ZNF486: variants seen among roughly 807,000 people sequenced by gnomAD.
ZNF486 encodes zinc finger protein 486.
ZNF486 carries 12 observed loss-of-function variants against 12.8 expected under a neutral mutation model. The ratio of observed to expected loss-of-function variants is 0.94; its 90% CI spans 0.60 to 1.52. The LOEUF is 1.52. ZNF486 is among the 40% of genes most tolerant of loss of function. ZNF486 has a pLI of 0.00. For missense variants in ZNF486, 738 were observed against 545.0 expected, an observed-to-expected ratio of 1.35 and a Z score of -3.53; for synonymous variants, 231 against 184.9, an observed-to-expected ratio of 1.25 and a Z score of -2.02.
At chr19:20,193,298 CTTTTT>C (rs782490115) in intron 3 of ZNF486, among the ~76,000 whole-genome samples, 2 of 142,792 alleles carry the variant, frequency 1.4e-5, no homozygotes, top group Non-Finnish European at 3.1e-5. Flanking sequence ...TATGTACCAT[CTTTTT>C]TTTTTTTTTG....
intron 1 of ZNF486, among the ~76,000 whole-genome samples, chr19:20,171,761 G>T (rs1000423214): frequency 6.6e-6 from 1 of 152,132 alleles, no homozygotes; most frequent in Non-Finnish European, 1.5e-5. Context: ...ATGTGGGTTT[G>T]TTATACAGTT....
intron 1 of ZNF486, among the ~76,000 whole-genome samples, chr19:20,174,138 A>G (rs1175865699): frequency 6.6e-6 from 1 of 152,184 alleles, no homozygotes; most frequent in African/African-American, 2.4e-5. Flanking sequence ...TTAGCAATAC[A>G]TAATGGTAAA....
At chr19:20,170,306 G>T (rs190020835) in intron 1 of ZNF486, among the ~76,000 whole-genome samples, 59 of 151,986 alleles carry the variant, frequency 3.9e-4, no homozygotes, top group Admixed American at 3.8e-3. Context: ...GGCCAGGCGC[G>T]ATGGCTCACG....
intron 1 of ZNF486, among the ~76,000 whole-genome samples, chr19:20,183,892 T>C (rs533144528): frequency 1.6e-4 from 25 of 152,226 alleles, no homozygotes; most frequent in African/African-American, 6.0e-4. Flanking sequence ...TTAACATTAT[T>C]GGTGAGCTTG....
In ZNF486 at chr19:20,193,517, C is replaced by T. The variant is rs183741152; in HGVS notation, c.254-3447C>T. 3.0e-4 allele frequency among the ~76,000 whole-genome samples: 46 copies of T among 151,964 alleles called. No homozygotes were observed. The South Asian group carries it at 6.3e-3, about 21-fold the overall frequency. Reference sequence around the variant, plus strand: ...TCTACTAAAAAATACAAACATTATCCGGGCATGCTGGCAGGTGCCTATAAT... The same window carrying T: ...TCTACTAAAAAATACAAACATTATCTGGGCATGCTGGCAGGTGCCTATAAT... On this transcript the variant is annotated intron_variant, in intron 3 of 3. Transcript: ENST00000335117.
At chr19:20,186,704 A>G (rs1048515191) in intron 3 of ZNF486, among the ~76,000 whole-genome samples, 1 of 151,322 alleles carries the variant, frequency 6.6e-6, no homozygotes, top group African/African-American at 2.4e-5. Context: ...TTTTGATAGG[A>G]GGTTTATTGA....
intron 3 of ZNF486, among the ~76,000 whole-genome samples, chr19:20,194,844 ATATG>A (rs1325495369): frequency 2.0e-5 from 3 of 152,202 alleles, no homozygotes; most frequent in South Asian, 2.1e-4. Context: ...TTTTGCTTAT[ATATG>A]TGTTTGTTAT....
chr19:20,170,719 C>T (rs1258882924), intron 1 of ZNF486, among the ~76,000 whole-genome samples: 1 of 152,184 alleles, frequency 6.6e-6, no homozygotes, highest in African/African-American at 2.4e-5. Flanking sequence ...AAGGGTGTTT[C>T]TGTCCATCAG....
In ZNF486 at chr19:20,190,047, T is replaced by A. The variant is rs562824760; in HGVS notation, c.253+3965T>A. On this transcript the variant is annotated intron_variant, in intron 3 of 3. Coordinates refer to ENST00000335117, the MANE Select transcript of ZNF486 (RefSeq NM_052852.4). ...ATATTCAGTTTTCAACATCATTTTT[T>A]GAAGATATTACTTTTCTCTATTTTG... 1.7e-4 allele frequency among the ~76,000 whole-genome samples: 26 copies of A among 152,348 alleles called. No homozygotes were observed. The South Asian group carries it at 5.2e-3, about 30-fold the overall frequency.
chr19:20,185,992 A>C lies in ZNF486; in HGVS notation c.163A>C (p.Ile55Leu). ...NYRHLVFLGI[I>L]VSKPDLITCL... ...ATTTATTTTTAATGAAACAGGTATT[A>C]TTGTCTCTAAGCCAGACCTGATCAC... Residue 55 changes from isoleucine (I) to leucine (L), a missense_variant, in exon 3 of 4, where the codon ATT becomes CTT. Transcript: ENST00000335117. The C allele has an allele frequency of 2.6e-6, 4 of 1,554,792 alleles. No homozygotes were observed. Among genetic ancestry groups the C allele is most frequent in the Non-Finnish European group, 2.6e-6 (3 of 1,154,290 alleles).
chr19:20,195,929 G>T (rs1289507015), intron 3 of ZNF486, among the ~76,000 whole-genome samples: 1 of 151,944 alleles, frequency 6.6e-6, no homozygotes, highest in Non-Finnish European at 1.5e-5. Context: ...ACATTATCTG[G>T]TGTCTAAAAA....
intron 3 of ZNF486, among the ~76,000 whole-genome samples, chr19:20,193,624 G>A (rs2089924668): frequency 6.6e-6 from 1 of 151,788 alleles, no homozygotes; most frequent in Admixed American, 6.6e-5. Context: ...TCACACCACT[G>A]TACTCCAGCC....
At chr19:20,170,479 A>G (rs1319988918) in intron 1 of ZNF486, among the ~76,000 whole-genome samples, 1 of 151,910 alleles carries the variant, frequency 6.6e-6, no homozygotes, top group Admixed American at 6.6e-5. Context: ...AGGCAGGAGA[A>G]TTGCTTGAAC....
At chr19:20,181,267 C>T (rs1380209344) in intron 1 of ZNF486, among the ~76,000 whole-genome samples, 5 of 151,638 alleles carry the variant, frequency 3.3e-5, no homozygotes, top group Admixed American at 6.6e-5. Context: ...AGTCCGGGCG[C>T]GGTGGCTCAC....
chr19:20,167,836 G>C (rs1337085046), intron 1 of ZNF486, among the ~76,000 whole-genome samples: 1 of 151,054 alleles, frequency 6.6e-6, no homozygotes, highest in African/African-American at 2.4e-5. Flanking sequence ...TGAGGTAAAG[G>C]GTTGCTAGGA....
At position 20,198,366 on chromosome 19, in the gene ZNF486, G is replaced by A. The variant is rs1052203959; in HGVS notation, c.*264G>A. 8 of 412,820 alleles carry A rather than the reference G, an allele frequency of 1.9e-5. No individual in the cohort carries two copies. The highest frequency in any genetic ancestry group is 1.4e-4 in the East Asian group (3 of 21,532). The allele number at this position is 412,820 out of a possible 1,614,324, so 25.6% of individuals were successfully genotyped here. A position where few individuals can be genotyped will look rare whatever the true frequency, so the allele number is the denominator to read the frequency against. On this transcript the variant is annotated 3_prime_UTR_variant, in exon 4 of 4. Coordinates refer to ENST00000335117, the MANE Select transcript of ZNF486 (RefSeq NM_052852.4). ...GGTCTGCCTGCTTTGGCCTCCCAAAGTGTTGGGGTTACAGGCATGAGCCAC... is the reference window on the plus strand; with the variant it reads ...GGTCTGCCTGCTTTGGCCTCCCAAAATGTTGGGGTTACAGGCATGAGCCAC...
At chr19:20,178,463 C>G (rs60150064) in intron 1 of ZNF486, among the ~76,000 whole-genome samples, 9 of 151,766 alleles carry the variant, frequency 5.9e-5, no homozygotes, top group South Asian at 2.1e-4. Context: ...TAGATGGTCT[C>G]GATCTCCTGA....
At chr19:20,172,490 G>A (rs1383515927) in intron 1 of ZNF486, among the ~76,000 whole-genome samples, 1 of 151,712 alleles carries the variant, frequency 6.6e-6, no homozygotes, top group Non-Finnish European at 1.5e-5. Flanking sequence ...GTAGAAAGGG[G>A]GTTTCACCAT....
Position 20,197,921 on chromosome 19 carries a change from A to T in ZNF486, c.1211A>T (p.Lys404Ile). The change falls in exon 4 of 4, where the codon AAA becomes ATA. Residue 404 changes from lysine (K) to isoleucine (I), a missense_variant. Lys to Ile is a moderately radical substitution (Grantham distance 102, BLOSUM62 -3). Coordinates refer to ENST00000335117, the MANE Select transcript of ZNF486 (RefSeq NM_052852.4). ...CATAGGAGAACTCATACTGGAGAGA[A>T]ACCCTACAAATGTGAAGAATGTGGC... is the stretch of plus-strand genomic sequence containing the variant. Reference protein sequence around the residue: ...HKHRRTHTGEKPYKCEECGKA... With the variant: ...HKHRRTHTGEIPYKCEECGKA... 2 of 1,613,506 alleles carry T rather than the reference A, an allele frequency of 1.2e-6. No homozygotes were observed. Among genetic ancestry groups the T allele is most frequent in the Non-Finnish European group, 1.7e-6 (2 of 1,179,790 alleles).
Sources: gnomAD v4.1 joint callset for allele counts (sites outside exome capture counted in the v4.1 genomes callset) on GRCh38, gnomAD v4.1.1 for gene constraint, MANE v1.5 for transcripts, NCBI Gene and HGNC (gene_info 2026-07-23, HGNC 2026-07-21) for gene names.